Variants in IL1RAPL1 observed in about 807,000 individuals in gnomAD.
IL1RAPL1 encodes the protein interleukin 1 receptor accessory protein like 1.
IL1RAPL1 carries 3 observed loss-of-function variants against 48.4 expected under a neutral mutation model. The ratio of observed to expected loss-of-function variants is 0.06; its 90% confidence interval spans 0.03 to 0.16. IL1RAPL1 has a LOEUF of 0.16. IL1RAPL1 is among the 10% of genes least tolerant of loss of function. The pLI is 1.00. For missense variants in IL1RAPL1, 349 were observed against 530.6 expected (o/e 0.66, Z 3.36); for synonymous variants, 185 against 187.7 (o/e 0.99, Z 0.12).
intron 2 of IL1RAPL1, among the ~76,000 whole-genome samples, chrX:29,215,212 G>A (rs1930844369): frequency 9.1e-6 from 1 of 110,286 alleles, no homozygotes. Flanking sequence ...TTAGCTGGGT[G>A]TGGTGGTGTA....
chrX:28,727,763 A>C (rs1178551307), intron 1 of IL1RAPL1, among the ~76,000 whole-genome samples: 1 of 110,858 alleles, frequency 9.0e-6, no homozygotes, highest in Non-Finnish European at 1.9e-5. Context: ...GAATTTTGTC[A>C]AAGGCCTTTT....
At chrX:28,811,643 G>A (rs1260100913) in intron 2 of IL1RAPL1, among the ~76,000 whole-genome samples, 4 of 110,383 alleles carry the variant, frequency 3.6e-5, no homozygotes, top group African/African-American at 1.3e-4. Flanking sequence ...AAGATACAAT[G>A]ATTAGAAATT....
chrX:28,792,712 C>T (rs867617588), intron 2 of IL1RAPL1, among the ~76,000 whole-genome samples: 6 of 88,608 alleles, frequency 6.8e-5, no homozygotes, highest in Middle Eastern at 7.9e-3. Context: ...GGCGTGAACC[C>T]GGGAGGTGGA....
Position 29,951,535 on chromosome X carries a change from ATATAAT to A in IL1RAPL1, c.1202-2981_1202-2976del, listed in dbSNP as rs1366772463. Among the ~76,000 whole-genome samples the A allele has an allele frequency of 9.0e-5, 10 of 111,655 alleles. No individual in the cohort carries two copies. The South Asian group carries it at 3.8e-3, about 42-fold the overall frequency. On this transcript the variant is annotated intron_variant, in intron 9 of 10. Transcript: ENST00000378993. ...GAAATGGAAAGGGAAGACCACTCAAATATAATTATAACAGCTGAGATATGAGTAGGG... is the reference window on the plus strand; with the variant it reads ...GAAATGGAAAGGGAAGACCACTCAAATATAACAGCTGAGATATGAGTAGGG...
chrX:29,607,603 T>C (rs749446046), intron 5 of IL1RAPL1, among the ~76,000 whole-genome samples: 1 of 111,989 alleles, frequency 8.9e-6, no homozygotes, highest in African/African-American at 3.2e-5. Flanking sequence ...CTCAGCAAAA[T>C]TCACAGGAAT....
intron 2 of IL1RAPL1, among the ~76,000 whole-genome samples, chrX:29,055,607 A>G (rs1445794090): frequency 8.9e-6 from 1 of 112,032 alleles, no homozygotes; most frequent in Non-Finnish European, 1.9e-5. Flanking sequence ...AAACAAAGCT[A>G]TGTCCTACTT....
chrX:29,601,944 G>A (rs1177961989), intron 5 of IL1RAPL1, among the ~76,000 whole-genome samples: 1 of 112,145 alleles, frequency 8.9e-6, no homozygotes. Flanking sequence ...TATAGTCACA[G>A]TTTCTTTGGA....
chrX:29,421,009 T>G (rs1404590364), intron 5 of IL1RAPL1, among the ~76,000 whole-genome samples: 1 of 111,851 alleles, frequency 8.9e-6, no homozygotes, highest in Non-Finnish European at 1.9e-5. Context: ...AATTGAAGTG[T>G]TTTTAAAAGC....
intron 2 of IL1RAPL1, among the ~76,000 whole-genome samples, chrX:29,172,676 T>C (rs1185138729): frequency 8.9e-6 from 1 of 111,960 alleles, no homozygotes; most frequent in Non-Finnish European, 1.9e-5. Context: ...CATTAGTGTT[T>C]GCAGCAGGGA....
At chrX:29,208,368 G>A (rs1192940982) in intron 2 of IL1RAPL1, among the ~76,000 whole-genome samples, 1 of 111,688 alleles carries the variant, frequency 9.0e-6, no homozygotes, top group Non-Finnish European at 1.9e-5. Flanking sequence ...TGGGCCTAAA[G>A]AGCCAGAATC....
intron 6 of IL1RAPL1, among the ~76,000 whole-genome samples, chrX:29,754,847 T>G (rs1379590981): frequency 8.9e-6 from 1 of 112,840 alleles, no homozygotes; most frequent in Non-Finnish European, 1.9e-5. Flanking sequence ...TTTAATGGCT[T>G]AAAACAATAC....
At chrX:29,697,011 A>G (rs1226540068) in intron 6 of IL1RAPL1, among the ~76,000 whole-genome samples, 1 of 112,002 alleles carries the variant, frequency 8.9e-6, no homozygotes, top group Non-Finnish European at 1.9e-5. Context: ...AGAGAGTTAT[A>G]AGTGAAGTCA....
intron 2 of IL1RAPL1, among the ~76,000 whole-genome samples, chrX:29,272,052 G>C (rs1263768487): frequency 9.0e-6 from 1 of 111,678 alleles, no homozygotes; most frequent in Non-Finnish European, 1.9e-5. Flanking sequence ...TTACATTTAA[G>C]TCTTTAATTC....
intron 2 of IL1RAPL1, among the ~76,000 whole-genome samples, chrX:29,048,394 A>C (rs1221271602): frequency 8.9e-6 from 1 of 112,048 alleles, no homozygotes; most frequent in Non-Finnish European, 1.9e-5. Context: ...AATTACTTCA[A>C]GTCTCTGAGT....
intron 6 of IL1RAPL1, among the ~76,000 whole-genome samples, chrX:29,770,651 C>G (rs1343683266): frequency 8.9e-6 from 1 of 112,003 alleles, no homozygotes; most frequent in African/African-American, 3.2e-5. Flanking sequence ...CAAACCTAGG[C>G]AGGTTAGCTC....
At chrX:28,849,704 G>T (rs1012049298) in intron 2 of IL1RAPL1, among the ~76,000 whole-genome samples, 1 of 111,538 alleles carries the variant, frequency 9.0e-6, no homozygotes, top group Non-Finnish European at 1.9e-5. Flanking sequence ...AAGCAAAATG[G>T]AACTCTCGTC....
intron 6 of IL1RAPL1, among the ~76,000 whole-genome samples, chrX:29,895,911 C>T (rs1031446124): frequency 9.0e-6 from 1 of 111,445 alleles, no homozygotes; most frequent in Non-Finnish European, 1.9e-5. Flanking sequence ...CCCATTCTTG[C>T]ATGTATAGTG....
At chrX:29,358,345 A>G (rs1416417965) in intron 3 of IL1RAPL1, among the ~76,000 whole-genome samples, 3 of 110,345 alleles carry the variant, frequency 2.7e-5, no homozygotes, top group African/African-American at 9.9e-5. Context: ...AGAAGAAATC[A>G]TGGGCAAGAA....
At position 29,109,656 on chromosome X, in the gene IL1RAPL1, G is replaced by A. The variant is rs146710154; in HGVS notation, c.83-173282G>A. 8.1e-5 allele frequency among the ~76,000 whole-genome samples: 9 copies of A among 110,482 alleles called. No individual in the cohort carries two copies. In the East Asian group the frequency reaches 2.6e-3, roughly 32 times the overall value. On this transcript the variant is annotated intron_variant, in intron 2 of 10. Coordinates refer to ENST00000378993, the MANE Select transcript of IL1RAPL1 (RefSeq NM_014271.4). ...CCTTTATGGGGCTGCTGGAGTTGTGGACATTGAGTATATAGTGCTAGTTTG... is the reference window on the plus strand; with the variant it reads ...CCTTTATGGGGCTGCTGGAGTTGTGAACATTGAGTATATAGTGCTAGTTTG...
Sources: gnomAD v4.1 joint callset for allele counts (sites outside exome capture counted in the v4.1 genomes callset) on GRCh38, gnomAD v4.1.1 for gene constraint, MANE v1.5 for transcripts, NCBI Gene and HGNC (gene_info 2026-07-23, HGNC 2026-07-21) for gene names.